Variants in ZMYND11 observed in about 807,000 individuals in gnomAD.
ZMYND11 encodes the protein zinc finger MYND-type containing 11, also known as zinc finger MYND domain-containing protein 11.
A neutral mutation model predicts 84.9 loss-of-function variants in ZMYND11; 9 were observed. The observed-to-expected ratio is 0.11, with a 90% confidence interval of 0.06 to 0.18. ZMYND11 has a LOEUF of 0.18. ZMYND11 is among the 10% of genes least tolerant of loss of function. ZMYND11 has a pLI of 1.00. For synonymous variants in ZMYND11, 250 were observed against 244.1 expected, an observed-to-expected ratio of 1.02 and a Z score of -0.23; for missense variants, 409 against 761.0, an observed-to-expected ratio of 0.54 and a Z score of 5.44.
In ZMYND11 at chr10:210,722, G is replaced by A. The variant is rs568049483; in HGVS notation, c.276+674G>A. Among the ~76,000 whole-genome samples the A allele has an allele frequency of 1.5e-4, 23 of 152,050 alleles. No homozygotes were observed. In the East Asian group the frequency reaches 4.2e-3, roughly 28 times the overall value. The stretch of plus-strand genomic sequence containing the variant: ...ACCTTTAAACTCAGAGGCACATATC[G>A]AAGTACATTTTTTTCTTACGTAAAG... On this transcript the variant is annotated intron_variant, in intron 3 of 14. Transcript: ENST00000381604.
At chr10:140,593 A>G (rs782267035) in intron 1 of ZMYND11, among the ~76,000 whole-genome samples, 1 of 152,238 alleles carries the variant, frequency 6.6e-6, no homozygotes, top group Non-Finnish European at 1.5e-5. Context: ...ACCTAATTAG[A>G]TATTTAATCT....
chr10:200,306 TATA>T (rs1163729664), intron 2 of ZMYND11, among the ~76,000 whole-genome samples: 1 of 9,338 alleles, frequency 1.1e-4, no homozygotes, highest in Non-Finnish European at 2.4e-3. Flanking sequence ...GTATATTATA[TATA>T]ATATATAACA....
chr10:148,474 T>A (rs1342117459), intron 1 of ZMYND11: 1 of 152,376 alleles, frequency 6.6e-6, no homozygotes, highest in Non-Finnish European at 1.5e-5. Context: ...GTCCTTGAGG[T>A]GTAAGACTCA....
chr10:174,382 G>A (rs1158075918), intron 1 of ZMYND11, among the ~76,000 whole-genome samples: 6 of 152,230 alleles, frequency 3.9e-5, no homozygotes, highest in Non-Finnish European at 8.8e-5. Context: ...ACCAGTGGTT[G>A]CCAAGGGTTA....
intron 8 of ZMYND11, among the ~76,000 whole-genome samples, chr10:240,321 T>A (rs1159320859): frequency 6.6e-6 from 1 of 152,082 alleles, no homozygotes; most frequent in East Asian, 1.9e-4. Context: ...CTGGCCAACA[T>A]GGTGAAACCC....
At chr10:141,954 G>A (rs1227514512) in intron 1 of ZMYND11, among the ~76,000 whole-genome samples, 1 of 152,154 alleles carries the variant, frequency 6.6e-6, no homozygotes, top group Non-Finnish European at 1.5e-5. Flanking sequence ...TAAAAATTGG[G>A]AAGATATTTT....
chr10:148,270 CCTAACTTCCTTT>C, intron 1 of ZMYND11: 5 of 149,572 alleles, frequency 3.3e-5, no homozygotes, highest in Non-Finnish European at 4.5e-5. Context: ...GGGAAGAAGT[CCTAACTTCCTTT>C]GCTCTGGGAA....
At chr10:235,073 G>C (rs1949720033) in intron 4 of ZMYND11, among the ~76,000 whole-genome samples, 1 of 151,890 alleles carries the variant, frequency 6.6e-6, no homozygotes, top group African/African-American at 2.4e-5. Flanking sequence ...ACAAAAACCA[G>C]TTAGCTCTAT....
intron 1 of ZMYND11, among the ~76,000 whole-genome samples, chr10:178,315 C>T (rs17221197): frequency 0.24 from 36,730 of 152,148 alleles, 5,609 homozygotes; most frequent in Non-Finnish European, 0.34. Context: ...ATAAAGTGGA[C>T]ACCTGTATAT....
intron 14 of ZMYND11, among the ~76,000 whole-genome samples, chr10:250,628 G>A (rs1036524166): frequency 1.3e-5 from 2 of 152,154 alleles, no homozygotes; most frequent in African/African-American, 4.8e-5. Flanking sequence ...GGGTATTTTT[G>A]TACTCTTCTT....
At chr10:138,537 A>G (rs1352773951) in intron 1 of ZMYND11, among the ~76,000 whole-genome samples, 2 of 152,138 alleles carry the variant, frequency 1.3e-5, no homozygotes, top group Non-Finnish European at 2.9e-5. Flanking sequence ...GTAGTGTATA[A>G]TAGAGGCATT....
intron 2 of ZMYND11, among the ~76,000 whole-genome samples, chr10:206,485 TTC>T (rs1462126300): frequency 2.6e-5 from 4 of 152,256 alleles, no homozygotes; most frequent in African/African-American, 4.8e-5. Flanking sequence ...AATTTTATAT[TTC>T]TGTCAGTATT....
intron 1 of ZMYND11, among the ~76,000 whole-genome samples, chr10:140,866 T>C (rs189198446): frequency 5.4e-4 from 82 of 152,318 alleles, no homozygotes; most frequent in African/African-American, 1.5e-3. Flanking sequence ...CATCTGCAAA[T>C]GTCCAGAGTG....
intron 2 of ZMYND11, among the ~76,000 whole-genome samples, chr10:199,294 ACTCCCTCCCTCTCTTCCTCCCTCC>A (rs1564366889): frequency 9.7e-5 from 2 of 20,688 alleles, no homozygotes; most frequent in Non-Finnish European, 1.9e-4. Flanking sequence ...TCCCTCCCTC[ACTCCCTCCCTCTCTTCCTCCCTCC>A]CTCCCTCCCT....
chr10:207,213 C>T (rs558961904), intron 2 of ZMYND11, among the ~76,000 whole-genome samples: 1 of 152,232 alleles, frequency 6.6e-6, no homozygotes, highest in Non-Finnish European at 1.5e-5. Flanking sequence ...GTATATGTGC[C>T]ACATTTTCTT....
chr10:176,109 T>A (rs1485038917), intron 1 of ZMYND11, among the ~76,000 whole-genome samples: 3 of 152,204 alleles, frequency 2.0e-5, no homozygotes, highest in African/African-American at 4.8e-5. Context: ...GTTTTCTCCT[T>A]TATTCTCCCT....
intron 2 of ZMYND11, among the ~76,000 whole-genome samples, chr10:190,816 A>T (rs1178586206): frequency 6.6e-6 from 1 of 151,998 alleles, no homozygotes; most frequent in Non-Finnish European, 1.5e-5. Flanking sequence ...TTAGGATCCA[A>T]CTCAAATCTC....
At chr10:231,830 C>G (rs76861613) in intron 4 of ZMYND11, among the ~76,000 whole-genome samples, 2 of 152,214 alleles carry the variant, frequency 1.3e-5, no homozygotes, top group Non-Finnish European at 2.9e-5. Flanking sequence ...ACGCAAACGT[C>G]TACAACCCTG....
intron 1 of ZMYND11, among the ~76,000 whole-genome samples, chr10:160,678 A>T (rs994839919): frequency 6.6e-6 from 1 of 152,172 alleles, no homozygotes; most frequent in Non-Finnish European, 1.5e-5. Context: ...CATTTCAGCA[A>T]TGTTCACAAC....
Sources: allele counts gnomAD v4.1 joint callset (sites outside exome capture counted in the v4.1 genomes callset), GRCh38; gene constraint gnomAD v4.1.1; transcripts MANE v1.5; gene names NCBI Gene and HGNC (gene_info 2026-07-23, HGNC 2026-07-21).